Variants in VPS37C observed in about 807,000 individuals in gnomAD.
VPS37C encodes VPS37C subunit of ESCRT-I, also known as vacuolar protein sorting-associated protein 37C.
VPS37C carries 9 observed loss-of-function variants against 16.1 expected under a neutral mutation model. The observed-to-expected ratio is 0.56, with a 90% CI of 0.34 to 0.97. VPS37C has a LOEUF of 0.97. Ranked by LOEUF, VPS37C falls within the 50% of genes least tolerant of loss-of-function variation. The pLI, the probability that VPS37C is intolerant of heterozygous loss-of-function variation, is 0.02. For missense variants in VPS37C, 479 were observed against 472.7 expected (o/e 1.01, Z -0.12); for synonymous variants, 207 against 206.4 (o/e 1.00, Z -0.02).
chr11:61,150,229 A>G (rs1400425563), intron 1 of VPS37C, among the ~76,000 whole-genome samples: 2 of 152,130 alleles, frequency 1.3e-5, no homozygotes, highest in South Asian at 4.1e-4. Context: ...CTGATGTCCA[A>G]TCACCAAGTT....
At chr11:61,137,641 G>A (rs12289530) in intron 2 of VPS37C, among the ~76,000 whole-genome samples, 11,341 of 152,224 alleles carry the variant, frequency 0.075, 1,134 homozygotes, top group African/African-American at 0.23. Flanking sequence ...AGCCTCACAA[G>A]CCATTTGAGT....
chr11:61,154,102 T>C (rs1419229602), intron 1 of VPS37C, among the ~76,000 whole-genome samples: 1 of 152,210 alleles, frequency 6.6e-6, no homozygotes, highest in East Asian at 1.9e-4. Flanking sequence ...AACTTAACAG[T>C]GTCCTAAAAC....
In VPS37C at chr11:61,161,406, T is replaced by A. The variant is rs1590798598; in HGVS notation, c.-22A>T. On this transcript the variant is annotated 5_prime_UTR_variant, in exon 1 of 5. Transcript: ENST00000301765. ...CTCCGCTCACCTGCCAGGGCCGCCGTCGCCGCCGCCACCGCGGGTTAAACC... is the reference window on the plus strand; with the variant it reads ...CTCCGCTCACCTGCCAGGGCCGCCGACGCCGCCGCCACCGCGGGTTAAACC... 6.5e-6 allele frequency: 1 copy of A among 154,708 alleles called. No individual in the cohort carries two copies. The highest frequency in any genetic ancestry group is 2.0e-4 in the South Asian group (1 of 5,044). The allele number at this position is 154,708 out of a possible 1,614,324, so 9.6% of individuals were successfully genotyped here. A position where few individuals can be genotyped will look rare whatever the true frequency, so the allele number is the denominator to read the frequency against.
intron 1 of VPS37C, 139 bp downstream of exon 1, chr11:61,161,252 G>C (rs1042546252): frequency 6.6e-6 from 1 of 151,188 alleles, no homozygotes; most frequent in African/African-American, 2.4e-5. Context: ...CGCGCCCCTC[G>C]TGCCCAATCA....
intron 1 of VPS37C, among the ~76,000 whole-genome samples, chr11:61,151,428 G>C (rs1472467010): frequency 1.3e-5 from 2 of 152,168 alleles, no homozygotes; most frequent in Non-Finnish European, 2.9e-5. Context: ...GGAGACCCAG[G>C]GATTAAAGGC....
intron 1 of VPS37C, chr11:61,145,141 A>G (rs1853178505): frequency 6.6e-6 from 1 of 152,256 alleles, no homozygotes; most frequent in Non-Finnish European, 1.5e-5. Context: ...GTTAATTTAC[A>G]TAACCTCTCT....
Position 61,132,408 on chromosome 11 carries a change from G to A in VPS37C, c.480C>T (p.Pro160=), listed in dbSNP as rs766110441. 6.2e-6 allele frequency: 10 copies of A among 1,608,372 alleles called. No homozygotes were observed. Among genetic ancestry groups the A allele is most frequent in the Non-Finnish European group, 7.6e-6 (9 of 1,177,468 alleles). ...VEKLQEVVRK[P]RASQELAGDA... ...CGCCGGCCAGCTCCTGGGAAGCCCTGGGCTTCCTCACCACTTCCTGGAGCT... is the reference window on the plus strand; with the variant it reads ...CGCCGGCCAGCTCCTGGGAAGCCCTAGGCTTCCTCACCACTTCCTGGAGCT... The change falls in exon 5 of 5, where the codon CCC becomes CCT. Residue 160 remains proline, a synonymous_variant. Coordinates refer to ENST00000301765, the MANE Select transcript of VPS37C (RefSeq NM_017966.5).
At chr11:61,152,799 C>T (rs1853316711) in intron 1 of VPS37C, among the ~76,000 whole-genome samples, 1 of 152,210 alleles carries the variant, frequency 6.6e-6, no homozygotes, top group Non-Finnish European at 1.5e-5. Context: ...ATTCGCAGCA[C>T]AGGCTTCTCC....
At chr11:61,137,452 T>C (rs1335242504) in intron 2 of VPS37C, among the ~76,000 whole-genome samples, 1 of 152,216 alleles carries the variant, frequency 6.6e-6, no homozygotes, top group Non-Finnish European at 1.5e-5. Context: ...ACATTTTCCA[T>C]GATTCTCTGC....
At chr11:61,141,360 T>C (rs1464544399) in intron 1 of VPS37C, among the ~76,000 whole-genome samples, 1 of 148,048 alleles carries the variant, frequency 6.8e-6, no homozygotes, top group African/African-American at 2.5e-5. Context: ...CGAGCAAGAC[T>C]CGGTCTCAAA....
At chr11:61,138,687 C>T in intron 2 of VPS37C, 50 bp downstream of exon 2, 2 of 1,575,170 alleles carry the variant, frequency 1.3e-6, no homozygotes, top group Non-Finnish European at 1.7e-6. Context: ...CGCCTCTTAA[C>T]AAGCCTCATC....
In VPS37C at chr11:61,146,520, T is replaced by C. The variant is rs143890897; in HGVS notation, c.-6-7685A>G. Among the ~76,000 whole-genome samples the C allele has an allele frequency of 6.6e-3, 999 of 152,298 alleles. 4 individuals carry two copies. The highest frequency in any genetic ancestry group is 0.02 in the Middle Eastern group (6 of 294). On this transcript the variant is annotated intron_variant, in intron 1 of 4. Coordinates refer to ENST00000301765, the MANE Select transcript of VPS37C (RefSeq NM_017966.5). The stretch of plus-strand genomic sequence containing the variant: ...AAGCTTGGCCACAGGGGCCTGCGCA[T>C]GCCATGCCAGGAGCAGCACAGCCCA...
At position 61,131,263 on chromosome 11, in the gene VPS37C, T is replaced by C. The variant is rs901243468; in HGVS notation, c.*557A>G. The C allele has an allele frequency of 6.0e-6, 1 of 165,828 alleles. No individual in the cohort carries two copies. Among genetic ancestry groups the C allele is most frequent in the South Asian group, 1.6e-4 (1 of 6,372 alleles). The allele number at this position is 165,828 out of a possible 1,614,324, so 10.3% of individuals were successfully genotyped here. A position where few individuals can be genotyped will look rare whatever the true frequency, so the allele number is the denominator to read the frequency against. On this transcript the variant is annotated 3_prime_UTR_variant, in exon 5 of 5. Coordinates refer to ENST00000301765, the MANE Select transcript of VPS37C (RefSeq NM_017966.5). Reference sequence around the variant, plus strand: ...CTACTGGAGTTAAATTATGGCTTTATAGGACTCAAACCTGTTGTTTTTCCC... The same window carrying C: ...CTACTGGAGTTAAATTATGGCTTTACAGGACTCAAACCTGTTGTTTTTCCC...
chr11:61,149,089 A>G (rs1853260215), intron 1 of VPS37C, among the ~76,000 whole-genome samples: 2 of 152,180 alleles, frequency 1.3e-5, no homozygotes, highest in Admixed American at 1.3e-4. Flanking sequence ...AGACCATCCT[A>G]GCTAACATGG....
intron 2 of VPS37C, 100 bp from the exon 3 acceptor site, chr11:61,134,307 G>T: frequency 7.4e-7 from 1 of 1,345,740 alleles, no homozygotes; most frequent in Non-Finnish European, 1.0e-6. Context: ...CTCACCTTGG[G>T]GCGGAGAGGC....
At chr11:61,132,602 C>T (rs1317290591) in intron 4 of VPS37C, 63 bp from the exon 5 acceptor site, 10 of 1,517,386 alleles carry the variant, frequency 6.6e-6, no homozygotes, top group Admixed American at 2.2e-5. Context: ...TGATTTTCCC[C>T]AGGGTCTGAG....
chr11:61,149,272 C>T (rs529217935), intron 1 of VPS37C, among the ~76,000 whole-genome samples: 1 of 152,122 alleles, frequency 6.6e-6, no homozygotes, highest in Non-Finnish European at 1.5e-5. Context: ...GGCGACAGAG[C>T]GAGACTCCAT....
intron 1 of VPS37C, among the ~76,000 whole-genome samples, chr11:61,150,557 G>T (rs687680): frequency 0.41 from 60,810 of 146,906 alleles, 14,338 homozygotes; most frequent in East Asian, 0.99. Flanking sequence ...AAGGAGTTTT[G>T]TTTTTTTTTT....
chr11:61,156,372 C>A lies in VPS37C; in HGVS notation c.-7+5019G>T, dbSNP rs920600129. 2.0e-5 allele frequency among the ~76,000 whole-genome samples: 3 copies of A among 152,258 alleles called. No homozygotes were observed. In the South Asian group the frequency reaches 6.2e-4, roughly 32 times the overall value. On this transcript the variant is annotated intron_variant, in intron 1 of 4. Transcript: ENST00000301765. Reference sequence around the variant, plus strand: ...GAGGGGTGGGTAGATAACTTAAGGTCAGGAGTTCAAGACCAGCCTAGCCAA... The same window carrying A: ...GAGGGGTGGGTAGATAACTTAAGGTAAGGAGTTCAAGACCAGCCTAGCCAA...
Sources: gnomAD v4.1 joint callset for allele counts (sites outside exome capture counted in the v4.1 genomes callset) on GRCh38, gnomAD v4.1.1 for gene constraint, MANE v1.5 for transcripts, NCBI Gene and HGNC (gene_info 2026-07-23, HGNC 2026-07-21) for gene names.